The following HEMK2 variants were observed in gnomAD, a reference collection of about 807,000 sequenced individuals.
The protein encoded by HEMK2 is HemK methyltransferase 2, ETF1 glutamine and histone H4 lysine.
chr21:28,622,353 T>C, the HEMK2 span, among the ~76,000 whole-genome samples: 1 of 152,152 alleles, frequency 6.6e-6, no homozygotes, highest in African/African-American at 2.4e-5. Context: ...TGGAAAAACA[T>C]TCCATGCTCA....
chr21:28,731,783 G>C, the HEMK2 span, among the ~76,000 whole-genome samples: 1 of 149,372 alleles, frequency 6.7e-6, no homozygotes, highest in South Asian at 2.1e-4. Context: ...AGAAAGAAAT[G>C]AGCAGTCCCT....
the HEMK2 span, among the ~76,000 whole-genome samples, chr21:28,819,357 T>A: frequency 6.6e-6 from 1 of 151,894 alleles, no homozygotes; most frequent in East Asian, 1.9e-4. Context: ...CATATTTTTA[T>A]ATGCTTTATA....
chr21:28,630,347 C>G, the HEMK2 span, among the ~76,000 whole-genome samples: 1 of 152,130 alleles, frequency 6.6e-6, no homozygotes, highest in South Asian at 2.1e-4. Flanking sequence ...TAAACTAGTT[C>G]AACCATTGCG....
At chr21:28,882,097 T>C in the HEMK2 span, 1 of 1,319,534 alleles carries the variant, frequency 7.6e-7, no homozygotes, top group South Asian at 1.4e-5. Flanking sequence ...CAAAGTTTCT[T>C]TGACCTAAAG....
At chr21:28,836,776 C>T in the HEMK2 span, among the ~76,000 whole-genome samples, 7 of 151,080 alleles carry the variant, frequency 4.6e-5, no homozygotes, top group African/African-American at 1.7e-4. Context: ...TCAGCTAACA[C>T]ATAAGGACTC....
At chr21:28,739,361 A>G in the HEMK2 span, among the ~76,000 whole-genome samples, 1 of 152,216 alleles carries the variant, frequency 6.6e-6, no homozygotes, top group Non-Finnish European at 1.5e-5. Flanking sequence ...TAATTAAAGA[A>G]GTGTTTTCTG....
the HEMK2 span, among the ~76,000 whole-genome samples, chr21:28,755,367 C>T: frequency 6.6e-5 from 10 of 152,314 alleles, no homozygotes; most frequent in African/African-American, 2.4e-4. Flanking sequence ...CACAAACACA[C>T]TCTAGGCACG....
chr21:28,637,252 T>G, the HEMK2 span, among the ~76,000 whole-genome samples: 1 of 152,166 alleles, frequency 6.6e-6, no homozygotes, highest in African/African-American at 2.4e-5. Flanking sequence ...GATATTAGGG[T>G]GGTGATTCTG....
At chr21:28,622,856 CG>C in the HEMK2 span, among the ~76,000 whole-genome samples, 1 of 152,056 alleles carries the variant, frequency 6.6e-6, no homozygotes, top group Non-Finnish European at 1.5e-5. Flanking sequence ...AAGACTTAAA[CG>C]TAAGACCTAA....
At chr21:28,727,245 G>A in the HEMK2 span, among the ~76,000 whole-genome samples, 11 of 152,330 alleles carry the variant, frequency 7.2e-5, no homozygotes, top group East Asian at 2.1e-3. Flanking sequence ...CCTTGGGAAG[G>A]AGATGCATCC....
chr21:28,676,442 G>C, the HEMK2 span, among the ~76,000 whole-genome samples: 1 of 152,140 alleles, frequency 6.6e-6, no homozygotes, highest in Non-Finnish European at 1.5e-5. Flanking sequence ...GGTACCAGGG[G>C]GTTAGGACTT....
the HEMK2 span, among the ~76,000 whole-genome samples, chr21:28,864,643 T>C: frequency 6.6e-6 from 1 of 152,190 alleles, no homozygotes; most frequent in Non-Finnish European, 1.5e-5. Flanking sequence ...ACTTCAATCC[T>C]AACTTGCCCC....
At chr21:28,851,420 G>A in the HEMK2 span, among the ~76,000 whole-genome samples, 65,191 of 151,974 alleles carry the variant, frequency 0.43, 15,829 homozygotes, top group East Asian at 0.8. Context: ...TGGATAAATC[G>A]GCCAGAGTAA....
chr21:28,613,328 T>G, the HEMK2 span, among the ~76,000 whole-genome samples: 1 of 152,080 alleles, frequency 6.6e-6, no homozygotes, highest in Admixed American at 6.6e-5. Context: ...ACTTCTATAT[T>G]TGCTGATACC....
At chr21:28,884,939 G>A in the HEMK2 span, among the ~76,000 whole-genome samples, 2 of 152,184 alleles carry the variant, frequency 1.3e-5, no homozygotes, top group Non-Finnish European at 2.9e-5. Flanking sequence ...CAGATTAACA[G>A]GCGACAGGAA....
the HEMK2 span, among the ~76,000 whole-genome samples, chr21:28,780,840 A>G: frequency 0.016 from 2,478 of 152,156 alleles, 69 homozygotes; most frequent in African/African-American, 0.055. Flanking sequence ...GGTGGCCTCT[A>G]TCTTCCCCTG....
chr21:28,863,513 G>A, the HEMK2 span, among the ~76,000 whole-genome samples: 2 of 131,300 alleles, frequency 1.5e-5, no homozygotes, highest in Non-Finnish European at 3.1e-5. Context: ...ATAAACCAAG[G>A]TTCCGTTTTA....
chr21:28,782,197 T>C, the HEMK2 span, among the ~76,000 whole-genome samples: 2 of 152,230 alleles, frequency 1.3e-5, no homozygotes, highest in African/African-American at 2.4e-5. Flanking sequence ...CCTTTGGTCA[T>C]TTCCCTTCTT....
At chr21:28,674,164 A>G in the HEMK2 span, among the ~76,000 whole-genome samples, 1 of 152,218 alleles carries the variant, frequency 6.6e-6, no homozygotes, top group African/African-American at 2.4e-5. Context: ...CACTCCCATT[A>G]GCGCCATGAC....
Sources: allele counts gnomAD v4.1 joint callset (sites outside exome capture counted in the v4.1 genomes callset), GRCh38; gene constraint gnomAD v4.1.1; transcripts MANE v1.5; gene names NCBI Gene and HGNC (gene_info 2026-07-23, HGNC 2026-07-21).